The following ZNF578 variants were observed in gnomAD, a reference collection of about 807,000 sequenced individuals.
ZNF578 encodes the protein Putative chemokine-related protein B42.
In ZNF578, 8 loss-of-function variants were observed where a neutral mutation model predicts 8.3. The ratio of observed to expected loss-of-function variants is 0.96; its 90% CI spans 0.56 to 1.74. The LOEUF (loss-of-function observed/expected upper bound fraction) is 1.74, where lower values mean the gene tolerates loss of function less well. ZNF578 is among the 40% of genes most tolerant of loss of function. ZNF578 has a pLI of 0.00. For missense variants in ZNF578, 726 were observed against 707.5 expected (o/e 1.03, Z -0.30); for synonymous variants, 206 against 232.2 (o/e 0.89, Z 1.03).
At chr19:52,504,916 T>A in intron 5 of ZNF578, 135 bp downstream of exon 5, 1 of 1,395,110 alleles carries the variant, frequency 7.2e-7, no homozygotes, top group Non-Finnish European at 9.6e-7. Flanking sequence ...TTGAGATGGA[T>A]CTTTGCTCTT....
At chr19:52,485,812 C>T (rs1343331660) in intron 2 of ZNF578, among the ~76,000 whole-genome samples, 4 of 152,118 alleles carry the variant, frequency 2.6e-5, no homozygotes, top group Admixed American at 2.0e-4. Flanking sequence ...CTCAAGTACC[C>T]GGGGACACAA....
intron 2 of ZNF578, among the ~76,000 whole-genome samples, chr19:52,461,496 C>T (rs201690154): frequency 6.6e-6 from 1 of 152,138 alleles, no homozygotes; most frequent in East Asian, 1.9e-4. Flanking sequence ...CTTAACATTT[C>T]TGTGATGATA....
Position 52,514,032 on chromosome 19 carries a change from CAAAT to C in ZNF578, c.*1879_*1882del, listed in dbSNP as rs2059462283. Reference sequence around the variant, plus strand: ...AGAGTGAGTCTCCATCTCAAACAAACAAATGAAAAAAACAGACATCAAAAATGCT... The same window carrying C: ...AGAGTGAGTCTCCATCTCAAACAAACGAAAAAAACAGACATCAAAAATGCT... On this transcript the variant is annotated 3_prime_UTR_variant, in exon 6 of 6. Transcript: ENST00000421239. Among the ~76,000 whole-genome samples the C allele has an allele frequency of 6.6e-6, 1 of 151,630 alleles. No homozygotes were observed.
At chr19:52,470,670 T>A (rs2122795941) in intron 2 of ZNF578, among the ~76,000 whole-genome samples, 1 of 152,264 alleles carries the variant, frequency 6.6e-6, no homozygotes, top group South Asian at 2.1e-4. Context: ...ATAAATTGAC[T>A]TGCTGGGTCT....
chr19:52,504,021 T>G (rs140999097), intron 4 of ZNF578, among the ~76,000 whole-genome samples: 229 of 152,168 alleles, frequency 1.5e-3, no homozygotes, highest in Non-Finnish European at 2.4e-3. Flanking sequence ...TGGTCTCGAT[T>G]TCTTGACCAC....
intron 2 of ZNF578, 59 bp downstream of exon 2, chr19:52,457,017 G>A (rs1461391946): frequency 6.5e-6 from 1 of 152,786 alleles, no homozygotes; most frequent in Non-Finnish European, 1.5e-5. Flanking sequence ...AATGCCATGT[G>A]TGGTGTTATG....
chr19:52,507,469 ACT>A (rs1272062883), intron 5 of ZNF578, among the ~76,000 whole-genome samples: 2 of 151,768 alleles, frequency 1.3e-5, no homozygotes, highest in Non-Finnish European at 2.9e-5. Context: ...GAGGCACGAG[ACT>A]CTCTTTAGGT....
intron 3 of ZNF578, among the ~76,000 whole-genome samples, 170 bp from the exon 4 acceptor site, chr19:52,501,657 C>T (rs2059407951): frequency 6.6e-6 from 1 of 152,164 alleles, no homozygotes; most frequent in African/African-American, 2.4e-5. Context: ...GTCAAACATA[C>T]ACTTATAGGT....
chr19:52,479,278 G>C (rs995013087), intron 2 of ZNF578, among the ~76,000 whole-genome samples: 5 of 151,746 alleles, frequency 3.3e-5, no homozygotes, highest in Admixed American at 3.3e-4. Flanking sequence ...GCTCACGCCT[G>C]TAATCCCAGC....
chr19:52,483,390 C>T (rs1426717625), intron 2 of ZNF578, among the ~76,000 whole-genome samples: 3 of 151,994 alleles, frequency 2.0e-5, no homozygotes, highest in Non-Finnish European at 4.4e-5. Context: ...ACTCCAGCCT[C>T]GGCAACAAGA....
intron 2 of ZNF578, chr19:52,458,831 A>C (rs2059247506): frequency 6.6e-6 from 1 of 152,024 alleles, no homozygotes; most frequent in South Asian, 2.1e-4. Context: ...TGTTGTTTAA[A>C]ATTTTGTTTA....
intron 2 of ZNF578, among the ~76,000 whole-genome samples, chr19:52,460,176 T>C (rs763449045): frequency 3.3e-5 from 5 of 151,628 alleles, no homozygotes; most frequent in Non-Finnish European, 2.9e-5. Context: ...TGCCCAGAAG[T>C]GGGATTGCTG....
rs1255712312 is a variant in ZNF578 at position 52,514,394 on chromosome 19, T to C, written c.*2240T>C. Among the ~76,000 whole-genome samples, 1 of 152,350 alleles carries C rather than the reference T, an allele frequency of 6.6e-6. No individual in the cohort carries two copies. Among genetic ancestry groups the C allele is most frequent in the East Asian group, 1.9e-4 (1 of 5,186 alleles). On this transcript the variant is annotated 3_prime_UTR_variant, in exon 6 of 6. Transcript: ENST00000421239. The stretch of plus-strand genomic sequence containing the variant: ...AGGTCTGCATGCTTTCTAGTCTTTG[T>C]TATTTATTGGAAGGCTGTGGTACCT...
chr19:52,490,706 G>T (rs2059362324), intron 2 of ZNF578, among the ~76,000 whole-genome samples: 3 of 150,924 alleles, frequency 2.0e-5, no homozygotes, highest in Admixed American at 6.6e-5. Flanking sequence ...GGCACAATCT[G>T]GGCTCACTGC....
At chr19:52,489,170 GAGGCAGGAGAATCTCTTT>G (rs78525429) in intron 2 of ZNF578, among the ~76,000 whole-genome samples, 34,243 of 151,668 alleles carry the variant, frequency 0.23, 4,033 homozygotes, top group Non-Finnish European at 0.26. Context: ...TCCGGAGGCT[GAGGCAGGAGAATCTCTTT>G]AGGCAGGAGA....
rs1187045005 is a variant in ZNF578, at chr19:52,459,713, A to ATGTGTGTATATGTGTGTGTG, written c.-122+2762_-122+2763insATATGTGTGTGTGTGTGTGT. Among the ~76,000 whole-genome samples the ATGTGTGTATATGTGTGTGTG allele has an allele frequency of 6.6e-4, 12 of 18,238 alleles. 1 individual carries two copies. The highest frequency in any genetic ancestry group is 1.3e-3 in the African/African-American group (9 of 7,034). The allele number at this position is 18,238 out of a possible 152,430, so 12.0% of individuals were successfully genotyped here. ...TGGGTATGAGTGTGTATATGTAGAT[A>ATGTGTGTATATGTGTGTGTG]TGTGTGTGTGTGTGTGTGTGTGTGT... On this transcript the variant is annotated intron_variant, in intron 2 of 5. Coordinates refer to ENST00000421239, the MANE Select transcript of ZNF578 (RefSeq NM_001099694.2).
intron 2 of ZNF578, among the ~76,000 whole-genome samples, chr19:52,489,052 T>G (rs2059355897): frequency 6.6e-6 from 1 of 151,924 alleles, no homozygotes; most frequent in Non-Finnish European, 1.5e-5. Context: ...TGAGCCACGA[T>G]CGCACCACTG....
intron 2 of ZNF578, among the ~76,000 whole-genome samples, chr19:52,466,275 T>A (rs1368299970): frequency 6.6e-6 from 1 of 152,240 alleles, no homozygotes; most frequent in Non-Finnish European, 1.5e-5. Context: ...TGGGCTTAAC[T>A]AGGAGCCAGC....
Position 52,511,528 on chromosome 19 carries a change from A to T in ZNF578, c.1147A>T (p.Asn383Tyr). Residue 383 changes from asparagine to tyrosine, a missense_variant, in exon 6 of 6, where the codon AAT (asparagine) becomes TAT (tyrosine). Coordinates refer to ENST00000421239, the MANE Select transcript of ZNF578 (RefSeq NM_001099694.2). Reference protein sequence around the residue: ...CNECGKMFGQNSTLVIHKAIH... With the variant: ...CNECGKMFGQYSTLVIHKAIH... ...TGAGTGTGGCAAGATGTTTGGTCAA[A>T]ATTCAACCCTTGTAATTCATAAGGC... The T allele has an allele frequency of 6.2e-7, 1 of 1,613,742 alleles. No individual in the cohort carries two copies.
Sources: gnomAD v4.1 joint callset for allele counts (sites outside exome capture counted in the v4.1 genomes callset) on GRCh38, gnomAD v4.1.1 for gene constraint, MANE v1.5 for transcripts, NCBI Gene and HGNC (gene_info 2026-07-23, HGNC 2026-07-21) for gene names.